Variants in COL24A1 observed in about 807,000 individuals in gnomAD.
COL24A1 encodes the protein collagen alpha-1(XXIV) chain.
In COL24A1, 224 loss-of-function variants were observed where a neutral mutation model predicts 253.9. The observed-to-expected ratio is 0.88, with a 90% CI of 0.79 to 0.99. The LOEUF is 0.99. Ranked by LOEUF, COL24A1 falls within the 50% of genes least tolerant of loss-of-function variation. The pLI is 0.00. For synonymous variants in COL24A1, 685 were observed against 673.7 expected, an observed-to-expected ratio of 1.02 and a Z score of -0.26; for missense variants, 2,131 against 2,068.5, an observed-to-expected ratio of 1.03 and a Z score of -0.59.
chr1:85,769,726 T>C (rs1350941481), intron 53 of COL24A1, among the ~76,000 whole-genome samples: 1 of 152,148 alleles, frequency 6.6e-6, no homozygotes, highest in Admixed American at 6.6e-5. Flanking sequence ...TACCAGGACA[T>C]AGGTTCCCCC....
chr1:85,826,641 A>G (rs313753), intron 43 of COL24A1, among the ~76,000 whole-genome samples: 123,546 of 147,810 alleles, frequency 0.84, 51,933 homozygotes, highest in South Asian at 0.9. Flanking sequence ...GGTCCTTCAC[A>G]TCCCTTGTAA....
intron 35 of COL24A1, among the ~76,000 whole-genome samples, chr1:85,872,554 C>G (rs973412913): frequency 6.6e-6 from 1 of 152,108 alleles, no homozygotes; most frequent in Admixed American, 6.6e-5. Flanking sequence ...ACCATCTGAT[C>G]TTTGACAAAC....
At chr1:85,791,747 T>G (rs1180446964) in intron 47 of COL24A1, among the ~76,000 whole-genome samples, 1 of 152,092 alleles carries the variant, frequency 6.6e-6, no homozygotes, top group Non-Finnish European at 1.5e-5. Flanking sequence ...TTTTCAAAGA[T>G]GAAATATGTG....
At chr1:85,950,040 T>C (rs1273634785) in intron 24 of COL24A1, among the ~76,000 whole-genome samples, 3 of 152,246 alleles carry the variant, frequency 2.0e-5, no homozygotes, top group African/African-American at 4.8e-5. Flanking sequence ...TTAGGAAAAC[T>C]CCTCCACATT....
intron 7 of COL24A1, among the ~76,000 whole-genome samples, chr1:86,078,438 C>T (rs190537122): frequency 4.1e-4 from 63 of 152,078 alleles, no homozygotes; most frequent in Admixed American, 3.7e-3. Flanking sequence ...CAACATAGTA[C>T]TGAAAATCTT....
At chr1:86,056,078 A>G (rs1375847968) in intron 10 of COL24A1, among the ~76,000 whole-genome samples, 1 of 150,758 alleles carries the variant, frequency 6.6e-6, no homozygotes, top group Non-Finnish European at 1.5e-5. Flanking sequence ...AGATCACACC[A>G]CTGTACTCCA....
intron 47 of COL24A1, among the ~76,000 whole-genome samples, chr1:85,805,136 C>T (rs183871199): frequency 6.6e-6 from 1 of 152,286 alleles, no homozygotes; most frequent in East Asian, 1.9e-4. Context: ...GCCACTGCAC[C>T]TGGGTGGCAA....
At chr1:85,772,696 T>C (rs1160225079) in intron 53 of COL24A1, among the ~76,000 whole-genome samples, 1 of 152,102 alleles carries the variant, frequency 6.6e-6, no homozygotes, top group African/African-American at 2.4e-5. Context: ...TCATATCCTT[T>C]GCCCATTTTT....
intron 24 of COL24A1, among the ~76,000 whole-genome samples, chr1:85,955,309 A>G (rs1446520956): frequency 6.6e-6 from 1 of 152,102 alleles, no homozygotes; most frequent in African/African-American, 2.4e-5. Flanking sequence ...AACAACCTCC[A>G]TCACTCAGTA....
chr1:85,914,195 A>C (rs1283032233), intron 24 of COL24A1, among the ~76,000 whole-genome samples: 1 of 152,182 alleles, frequency 6.6e-6, no homozygotes, highest in Non-Finnish European at 1.5e-5. Context: ...AACGGAATAA[A>C]GAATGGGTAG....
Position 85,965,045 on chromosome 1 carries a change from C to G in COL24A1, c.2481G>C (p.Lys827Asn), listed in dbSNP as rs1465556219. 2 of 1,610,472 alleles carry G rather than the reference C, an allele frequency of 1.2e-6. No homozygotes were observed. The highest frequency in any genetic ancestry group is 1.7e-6 in the Non-Finnish European group (2 of 1,177,988). ...ELGPRGKPGQ[K>N]GYAGEPGPEG... is the part of the protein sequence containing the mutation. ...CTGGTCCTGGTTCACCTGCATACCCCTTTTGACCTGGTTTTCCCTAGAAGA... is the reference window on the plus strand; with the variant it reads ...CTGGTCCTGGTTCACCTGCATACCCGTTTTGACCTGGTTTTCCCTAGAAGA... The change falls in exon 23 of 60, where the codon AAG becomes AAC. Residue 827 changes from lysine (K) to asparagine (N), a missense_variant. Physicochemically the swap from Lys to Asn is moderately conservative, Grantham distance 94 (BLOSUM62 0). Transcript: ENST00000370571.
intron 24 of COL24A1, among the ~76,000 whole-genome samples, chr1:85,937,687 T>C (rs775399772): frequency 1.4e-5 from 2 of 147,390 alleles, no homozygotes; most frequent in African/African-American, 5.0e-5. Flanking sequence ...ATATAAATAC[T>C]GCTTCCACTG....
At chr1:85,828,248 AT>A (rs1674668449) in intron 43 of COL24A1, among the ~76,000 whole-genome samples, 1 of 151,174 alleles carries the variant, frequency 6.6e-6, no homozygotes. Flanking sequence ...GAGATTCTTA[AT>A]CCTGAGTTCT....
At chr1:85,732,277 T>A (rs1481104067) in intron 59 of COL24A1, among the ~76,000 whole-genome samples, 1 of 151,278 alleles carries the variant, frequency 6.6e-6, no homozygotes. Flanking sequence ...GTCGCCCAGC[T>A]GGAGTGCAGT....
In COL24A1 at chr1:86,022,299, A is replaced by G; in HGVS notation, c.2203-6T>C. On this transcript the variant is annotated splice_polypyrimidine_tract_variant and splice_region_variant and intron_variant, in intron 17 of 59. Coordinates refer to ENST00000370571, the MANE Select transcript of COL24A1 (RefSeq NM_152890.7). ...CCTGGTAAACCAACAGCACCCTAAG[A>G]GAAGAGAATAACAGAAGAGAAAGTT... The G allele has an allele frequency of 3.9e-6, 6 of 1,544,424 alleles. No individual in the cohort carries two copies. Among genetic ancestry groups the G allele is most frequent in the Non-Finnish European group, 5.2e-6 (6 of 1,155,738 alleles).
chr1:86,101,027 T>A (rs775027673), intron 5 of COL24A1, among the ~76,000 whole-genome samples: 53 of 151,946 alleles, frequency 3.5e-4, no homozygotes, highest in Non-Finnish European at 4.4e-4. Flanking sequence ...GAGCTTGCAG[T>A]TTGTCCAAGC....
chr1:85,896,189 G>GA (rs1418080595), intron 29 of COL24A1, 124 bp from the exon 30 acceptor site: 1 of 1,208,182 alleles, frequency 8.3e-7, no homozygotes, highest in African/African-American at 1.5e-5. Context: ...TTATTGAAAA[G>GA]AAAACATCTC....
chr1:86,015,041 A>T (rs1021045086), intron 19 of COL24A1, among the ~76,000 whole-genome samples: 3 of 152,204 alleles, frequency 2.0e-5, no homozygotes, highest in Non-Finnish European at 4.4e-5. Flanking sequence ...TACAAGCAGA[A>T]AGTTTTCAGG....
intron 19 of COL24A1, among the ~76,000 whole-genome samples, chr1:85,992,090 A>G (rs550277022): frequency 5.2e-4 from 79 of 150,854 alleles, no homozygotes; most frequent in Non-Finnish European, 9.5e-4. Flanking sequence ...ACCCCACAAC[A>G]GGCCCCAGTG....
Sources: allele counts gnomAD v4.1 joint callset (sites outside exome capture counted in the v4.1 genomes callset), GRCh38; gene constraint gnomAD v4.1.1; transcripts MANE v1.5; gene names NCBI Gene and HGNC (gene_info 2026-07-23, HGNC 2026-07-21).